KIAA1549L: variants seen among roughly 807,000 people sequenced by gnomAD.
KIAA1549L encodes KIAA1549 like.
KIAA1549L carries 88 observed loss-of-function variants against 160.7 expected under a neutral mutation model. That is an observed-to-expected ratio of 0.55 (90% confidence interval 0.46 to 0.65). KIAA1549L has a LOEUF of 0.65. Ranked by LOEUF, KIAA1549L falls within the 30% of genes least tolerant of loss-of-function variation. The pLI, the probability that KIAA1549L is intolerant of heterozygous loss-of-function variation, is 0.00. For synonymous variants in KIAA1549L, 950 were observed against 976.7 expected (o/e 0.97, Z 0.51); for missense variants, 2,258 against 2,437.5 (o/e 0.93, Z 1.55).
intron 1 of KIAA1549L, among the ~76,000 whole-genome samples, chr11:33,419,761 C>A (rs576576923): frequency 6.6e-6 from 1 of 151,988 alleles, no homozygotes; most frequent in South Asian, 2.1e-4. Flanking sequence ...GTGGGAGAAT[C>A]GTTTGAACCC....
chr11:33,520,176 C>G (rs967274788), intron 1 of KIAA1549L, among the ~76,000 whole-genome samples: 4 of 152,052 alleles, frequency 2.6e-5, no homozygotes, highest in Non-Finnish European at 5.9e-5. Context: ...AATTTTTAAG[C>G]ATACAATACA....
chr11:33,669,937 G>A lies in KIAA1549L; in HGVS notation c.*1783G>A, dbSNP rs1852615525. The A allele has an allele frequency of 1.3e-5, 2 of 152,200 alleles. No individual in the cohort carries two copies. Among genetic ancestry groups the A allele is most frequent in the East Asian group, 3.8e-4 (2 of 5,202 alleles). The allele number at this position is 152,200 out of a possible 1,614,324, so 9.4% of individuals were successfully genotyped here. A position where few individuals can be genotyped will look rare whatever the true frequency, so the allele number is the denominator to read the frequency against. ...TCAGCTATAAATAAAATGTATTTTT[G>A]TAATTCCCGTGTGTATATATGGTAT... On this transcript the variant is annotated 3_prime_UTR_variant, in exon 21 of 21. Transcript: ENST00000658780.
intron 17 of KIAA1549L, among the ~76,000 whole-genome samples, chr11:33,651,571 C>T (rs1024477934): frequency 5.3e-5 from 8 of 152,110 alleles, no homozygotes; most frequent in African/African-American, 1.9e-4. Flanking sequence ...TACTGCTGAG[C>T]ATCCCAAATT....
chr11:33,581,768 C>CAA (rs1855652763), intron 10 of KIAA1549L, among the ~76,000 whole-genome samples: 1 of 152,122 alleles, frequency 6.6e-6, no homozygotes, highest in African/African-American at 2.4e-5. Context: ...TGGATGACTT[C>CAA]AGTTGACCTA....
chr11:33,659,339 T>C (rs1204539814), intron 19 of KIAA1549L, among the ~76,000 whole-genome samples: 2 of 152,236 alleles, frequency 1.3e-5, no homozygotes, highest in Non-Finnish European at 2.9e-5. Flanking sequence ...ATAAATGATA[T>C]CATGGCATAC....
At chr11:33,631,944 C>T (rs947089841) in intron 16 of KIAA1549L, among the ~76,000 whole-genome samples, 1 of 152,116 alleles carries the variant, frequency 6.6e-6, no homozygotes, top group African/African-American at 2.4e-5. Flanking sequence ...AGAGGTGACT[C>T]CTGAGCTGAG....
rs539279703 is a variant in KIAA1549L at position 33,413,535 on chromosome 11, G to A, written c.238+36646G>A. 2.1e-4 allele frequency among the ~76,000 whole-genome samples: 32 copies of A among 151,774 alleles called. No individual in the cohort carries two copies. In the South Asian group the frequency reaches 2.7e-3, roughly 13 times the overall value. ...GGGTTTAGAGTAATTAACTCAAGAT[G>A]TGTCCCCCTTAACAATCCTAAGTTA... On this transcript the variant is annotated intron_variant, in intron 1 of 20. Coordinates refer to ENST00000658780, the MANE Select transcript of KIAA1549L (RefSeq NM_012194.3).
chr11:33,574,991 A>G, intron 10 of KIAA1549L, 118 bp downstream of exon 10: 1 of 859,474 alleles, frequency 1.2e-6, no homozygotes, highest in Non-Finnish European at 1.8e-6. Flanking sequence ...TGTATTCTGG[A>G]AGGTTCTTAA....
intron 1 of KIAA1549L, among the ~76,000 whole-genome samples, chr11:33,386,875 G>A (rs1447470596): frequency 2.6e-5 from 4 of 152,176 alleles, no homozygotes; most frequent in African/African-American, 9.7e-5. Context: ...GGGAGCCCAA[G>A]GAGGGTGGAT....
chr11:33,551,022 G>C lies in KIAA1549L; in HGVS notation c.3502-18G>C, dbSNP rs752644659. ...GTGGAAATAAACAATGGGTTTTGTG[G>C]GTCCATTTGTTTTGTAGGTGGACAT... On this transcript the variant is annotated intron_variant, in intron 4 of 20. Coordinates refer to ENST00000658780, the MANE Select transcript of KIAA1549L (RefSeq NM_012194.3). The C allele has an allele frequency of 4.4e-6, 7 of 1,594,334 alleles. No individual in the cohort carries two copies. In the African/African-American group the frequency reaches 8.1e-5, roughly 18 times the overall value.
intron 10 of KIAA1549L, among the ~76,000 whole-genome samples, chr11:33,579,306 A>G (rs1171725199): frequency 1.3e-5 from 2 of 152,072 alleles, no homozygotes; most frequent in Non-Finnish European, 2.9e-5. Flanking sequence ...TCGGTATTCC[A>G]GCAACACCCG....
At chr11:33,665,526 T>C (rs113500601) in intron 20 of KIAA1549L, 6 of 152,492 alleles carry the variant, frequency 3.9e-5, no homozygotes, top group African/African-American at 4.8e-5. Context: ...CTCTCTCTCT[T>C]CTGCCCTGCT....
chr11:33,547,911 C>A (rs1452916827), intron 4 of KIAA1549L, 32 bp downstream of exon 4: 2 of 1,384,294 alleles, frequency 1.4e-6, no homozygotes, highest in African/African-American at 1.4e-5. Flanking sequence ...CAAGCTAATC[C>A]ATCACAGTCT....
chr11:33,552,329 G>A, intron 6 of KIAA1549L, 88 bp downstream of exon 6: 3 of 1,379,044 alleles, frequency 2.2e-6, no homozygotes, highest in Non-Finnish European at 3.0e-6. Flanking sequence ...TTCCCTTTCA[G>A]AGCTACCATG....
intron 1 of KIAA1549L, among the ~76,000 whole-genome samples, chr11:33,521,595 A>G (rs2133126995): frequency 6.6e-6 from 1 of 152,366 alleles, no homozygotes; most frequent in African/African-American, 2.4e-5. Context: ...TTTCATGTAT[A>G]CAGTAAATAC....
At chr11:33,533,300 A>G (rs1853818390) in intron 1 of KIAA1549L, among the ~76,000 whole-genome samples, 1 of 152,192 alleles carries the variant, frequency 6.6e-6, no homozygotes, top group South Asian at 2.1e-4. Context: ...AGAGGCCTGA[A>G]CAATCTGTCA....
rs190752419 is a variant in KIAA1549L at position 33,472,945 on chromosome 11, A to G, written c.239-68857A>G. On this transcript the variant is annotated intron_variant, in intron 1 of 20. Coordinates refer to ENST00000658780, the MANE Select transcript of KIAA1549L (RefSeq NM_012194.3). The stretch of plus-strand genomic sequence containing the variant: ...TCTGGACTTGGTGCTCCAGCTTCCA[A>G]TGTGTGACCAGGAACATGAGTAGGG... Among the ~76,000 whole-genome samples the G allele has an allele frequency of 2.6e-4, 39 of 152,252 alleles. No individual in the cohort carries two copies. In the East Asian group the frequency reaches 4.3e-3, roughly 17 times the overall value.
chr11:33,522,333 AACTT>A (rs1208351017), intron 1 of KIAA1549L, among the ~76,000 whole-genome samples: 11 of 152,320 alleles, frequency 7.2e-5, no homozygotes, highest in African/African-American at 2.4e-4. Flanking sequence ...TCTGCAGTAA[AACTT>A]ACATCTAATC....
intron 1 of KIAA1549L, among the ~76,000 whole-genome samples, chr11:33,470,127 TCAAA>T (rs1035150506): frequency 2.0e-5 from 3 of 152,238 alleles, no homozygotes; most frequent in Admixed American, 1.3e-4. Flanking sequence ...TATGTTTTCT[TCAAA>T]GAGTTTTGTA....
Sources: allele counts gnomAD v4.1 joint callset (sites outside exome capture counted in the v4.1 genomes callset), GRCh38; gene constraint gnomAD v4.1.1; transcripts MANE v1.5; gene names NCBI Gene and HGNC (gene_info 2026-07-23, HGNC 2026-07-21).